The following AUTS2 variants were observed in gnomAD, a reference collection of about 807,000 sequenced individuals.
The protein encoded by AUTS2 is activator of transcription and developmental regulator AUTS2, also known as autism susceptibility gene 2 protein.
AUTS2 carries 17 observed loss-of-function variants against 112.4 expected under a neutral mutation model. The observed-to-expected ratio is 0.15, with a 90% confidence interval of 0.10 to 0.23. AUTS2 has a LOEUF of 0.23. Among genes scored for constraint, AUTS2 ranks in the 10% least tolerant of loss-of-function variants. The pLI, the probability that AUTS2 is intolerant of heterozygous loss-of-function variation, is 1.00. For missense variants in AUTS2, 1,510 were observed against 1,701.6 expected (o/e 0.89, Z 1.98); for synonymous variants, 751 against 702.7 (o/e 1.07, Z -1.09).
chr7:70,046,270 C>T (rs985225912), intron 2 of AUTS2, among the ~76,000 whole-genome samples: 1 of 152,124 alleles, frequency 6.6e-6, no homozygotes, highest in Non-Finnish European at 1.5e-5. Context: ...TGTTTACTGT[C>T]TGTATAATAG....
intron 4 of AUTS2, among the ~76,000 whole-genome samples, chr7:70,188,506 T>C (rs1809719415): frequency 6.6e-6 from 1 of 152,192 alleles, no homozygotes; most frequent in African/African-American, 2.4e-5. Context: ...TCAGTGGAAG[T>C]GGAAATCCAT....
At chr7:70,409,989 A>G (rs1794704908) in intron 4 of AUTS2, among the ~76,000 whole-genome samples, 1 of 152,238 alleles carries the variant, frequency 6.6e-6, no homozygotes, top group African/African-American at 2.4e-5. Context: ...TGCATTTAGA[A>G]GCTAGATCCA....
intron 2 of AUTS2, among the ~76,000 whole-genome samples, chr7:70,079,730 T>C (rs1164038754): frequency 6.6e-6 from 1 of 152,090 alleles, no homozygotes; most frequent in East Asian, 1.9e-4. Context: ...GTAGCCATGG[T>C]GGAAGTATTT....
intron 5 of AUTS2, among the ~76,000 whole-genome samples, chr7:70,496,752 C>A (rs1361829796): frequency 6.8e-6 from 1 of 147,100 alleles, no homozygotes; most frequent in Non-Finnish European, 1.5e-5. Context: ...GCGTCGATCA[C>A]ACACCCCACT....
chr7:70,118,344 T>C, intron 3 of AUTS2, 111 bp downstream of exon 3: 1 of 1,268,130 alleles, frequency 7.9e-7, no homozygotes, highest in Non-Finnish European at 1.0e-6. Flanking sequence ...TCTTTAGAAC[T>C]TTTTGTCTAC....
chr7:70,695,086 C>T (rs1399153549), intron 5 of AUTS2: 1 of 151,952 alleles, frequency 6.6e-6, no homozygotes, highest in Non-Finnish European at 1.5e-5. Context: ...GCCTACCTCT[C>T]GCGGTCGGAA....
At chr7:70,674,116 C>T (rs947403547) in intron 5 of AUTS2, among the ~76,000 whole-genome samples, 1 of 152,152 alleles carries the variant, frequency 6.6e-6, no homozygotes, top group Non-Finnish European at 1.5e-5. Context: ...TCACAGGCCC[C>T]TTGACTGGGC....
At chr7:70,532,125 A>G (rs1033494284) in intron 5 of AUTS2, among the ~76,000 whole-genome samples, 4 of 152,188 alleles carry the variant, frequency 2.6e-5, no homozygotes, top group African/African-American at 9.7e-5. Context: ...ACTGCATGGC[A>G]ATCTCAGGAT....
At chr7:69,927,177 C>G (rs1160310073) in intron 2 of AUTS2, among the ~76,000 whole-genome samples, 1 of 132,032 alleles carries the variant, frequency 7.6e-6, no homozygotes, top group Non-Finnish European at 1.6e-5. Flanking sequence ...GGAAAATACT[C>G]CAATATATTT....
chr7:69,727,720 T>G (rs1786585648), intron 1 of AUTS2, among the ~76,000 whole-genome samples: 1 of 152,250 alleles, frequency 6.6e-6, no homozygotes, highest in Non-Finnish European at 1.5e-5. Context: ...ACTGTCTTGT[T>G]TATCTAGCTT....
At chr7:69,775,663 A>C (rs1212732911) in intron 1 of AUTS2, among the ~76,000 whole-genome samples, 1 of 152,118 alleles carries the variant, frequency 6.6e-6, no homozygotes, top group Non-Finnish European at 1.5e-5. Flanking sequence ...CACACATTTC[A>C]AGGCAAGCAG....
intron 2 of AUTS2, among the ~76,000 whole-genome samples, chr7:70,015,947 A>C (rs1800009637): frequency 6.6e-6 from 1 of 151,898 alleles, no homozygotes; most frequent in Admixed American, 6.6e-5. Flanking sequence ...AGTTGTTCAA[A>C]CTTTAAATTT....
At chr7:70,526,286 C>T (rs3113265) in intron 5 of AUTS2, among the ~76,000 whole-genome samples, 86,287 of 152,040 alleles carry the variant, frequency 0.57, 25,491 homozygotes, top group African/African-American at 0.72. Flanking sequence ...CCTAAGACAC[C>T]GCACGCTCTG....
intron 1 of AUTS2, among the ~76,000 whole-genome samples, chr7:69,804,264 C>T (rs988117655): frequency 1.3e-5 from 2 of 152,130 alleles, no homozygotes; most frequent in East Asian, 1.9e-4. Flanking sequence ...TATATGGTCA[C>T]GTACACATCT....
chr7:70,777,958 A>C (rs1231103521), intron 14 of AUTS2, among the ~76,000 whole-genome samples: 1 of 152,290 alleles, frequency 6.6e-6, no homozygotes, highest in East Asian at 1.9e-4. Context: ...CTATATGAAG[A>C]TGATGCCGCT....
intron 2 of AUTS2, among the ~76,000 whole-genome samples, chr7:70,110,034 A>C (rs537309679): frequency 2.0e-5 from 3 of 152,324 alleles, no homozygotes; most frequent in East Asian, 3.9e-4. Context: ...CTCTTGGCCT[A>C]ATCATAGAGA....
At chr7:69,678,232 G>C (rs1441768355) in intron 1 of AUTS2, among the ~76,000 whole-genome samples, 2 of 152,006 alleles carry the variant, frequency 1.3e-5, no homozygotes, top group African/African-American at 4.8e-5. Context: ...AGCCAGGCCT[G>C]TGGGTCTTGG....
intron 6 of AUTS2, among the ~76,000 whole-genome samples, chr7:70,711,044 G>A (rs995469499): frequency 2.6e-5 from 4 of 152,168 alleles, no homozygotes; most frequent in South Asian, 2.1e-4. Flanking sequence ...CCATTTCCCC[G>A]CTGGTCTTGC....
chr7:70,253,679 C>G (rs763443883), intron 4 of AUTS2, among the ~76,000 whole-genome samples: 1 of 152,206 alleles, frequency 6.6e-6, no homozygotes, highest in South Asian at 2.1e-4. Context: ...TTTTTCTTTT[C>G]AGACCATTTT....
Sources: gnomAD v4.1 joint callset for allele counts (sites outside exome capture counted in the v4.1 genomes callset) on GRCh38, gnomAD v4.1.1 for gene constraint, MANE v1.5 for transcripts, NCBI Gene and HGNC (gene_info 2026-07-23, HGNC 2026-07-21) for gene names.